The following MACF1 variants were observed in gnomAD, a reference collection of about 807,000 sequenced individuals.
The protein encoded by MACF1 is microtubule actin crosslinking factor 1, also known as microtubule-actin cross-linking factor 1.
A neutral mutation model predicts 854.8 loss-of-function variants in MACF1; 193 were observed. The ratio of observed to expected loss-of-function variants is 0.23; its 90% CI spans 0.20 to 0.25. The LOEUF (loss-of-function observed/expected upper bound fraction) is 0.25, where lower values mean the gene tolerates loss of function less well. Ranked by LOEUF, MACF1 falls within the 10% of genes least tolerant of loss-of-function variation. The pLI is 1.00. For synonymous variants in MACF1, 3,185 were observed against 3,226.7 expected (o/e 0.99, Z 0.44); for missense variants, 7,722 against 8,929.1 (o/e 0.86, Z 5.45).
At chr1:39,299,840 T>A (rs1646004367) in intron 21 of MACF1, among the ~76,000 whole-genome samples, 1 of 152,214 alleles carries the variant, frequency 6.6e-6, no homozygotes, top group African/African-American at 2.4e-5. Flanking sequence ...ATAATATACC[T>A]ATTATTGATT....
intron 15 of MACF1, among the ~76,000 whole-genome samples, chr1:39,291,031 G>A (rs761354068): frequency 2.6e-5 from 4 of 151,592 alleles, no homozygotes; most frequent in Non-Finnish European, 5.9e-5. Context: ...GAGTGCAGTG[G>A]CGTGATCTCC....
intron 58 of MACF1, among the ~76,000 whole-genome samples, chr1:39,417,456 C>T (rs183067420): frequency 4.6e-5 from 7 of 152,242 alleles, no homozygotes; most frequent in Admixed American, 1.3e-4. Context: ...AGTGTTTGAA[C>T]GCTCTGCTGA....
At chr1:39,212,157 A>G (rs1264491726) in intron 1 of MACF1, among the ~76,000 whole-genome samples, 8 of 152,066 alleles carry the variant, frequency 5.3e-5, no homozygotes, top group South Asian at 2.1e-4. Context: ...CAAGATCTGC[A>G]GGTAGCAGCC....
In MACF1 at chr1:39,105,290, A is replaced by C; in HGVS notation, c.220+20852A>C. The C allele has an allele frequency of 1.9e-5, 10 of 533,330 alleles. No individual in the cohort carries two copies. Among genetic ancestry groups the C allele is most frequent in the Non-Finnish European group, 2.4e-5 (10 of 417,884 alleles). The allele number at this position is 533,330 out of a possible 1,614,324, so 33.0% of individuals were successfully genotyped here. ...AGGCGGCGGGGAGAGGGGGCGGGGA[A>C]CGGGCCGGGCCTGGCGCTCCTGACA... is the stretch of plus-strand genomic sequence containing the variant. On this transcript the variant is annotated intron_variant, in intron 2 of 93. Transcript: ENST00000361689. This position sits in a 1 kb window ranked among gnomAD's most constrained non-coding sequence, Gnocchi z 5.9.
intron 46 of MACF1, 73 bp downstream of exon 46, chr1:39,358,946 G>A: frequency 1.3e-6 from 2 of 1,512,380 alleles, no homozygotes; most frequent in Non-Finnish European, 1.8e-6. Flanking sequence ...CCAAAATAAA[G>A]CAAATGCTTA....
chr1:39,311,884 G>T (rs1646307801), intron 26 of MACF1, among the ~76,000 whole-genome samples: 3 of 152,138 alleles, frequency 2.0e-5, no homozygotes, highest in Admixed American at 2.0e-4. Flanking sequence ...GAAAGGAATG[G>T]CTAATGAGGA....
rs775349137 is a variant in MACF1, at chr1:39,285,103, A to C, written c.1152A>C (p.Arg384=). ...KLLEVWIEFG[R]IKLPQGYHPN... is the part of the protein sequence containing the mutation. The stretch of plus-strand genomic sequence containing the variant: ...TTCAGGTGTGGATTGAATTTGGCCG[A>C]ATTAAACTGCCTCAAGGTTATCACC... Residue 384 remains arginine (R), a synonymous_variant, in exon 12 of 101, where the codon CGA becomes CGC. Coordinates refer to ENST00000564288, the MANE Select transcript of MACF1 (RefSeq NM_001394062.1). 5 of 1,614,168 alleles carry C rather than the reference A, an allele frequency of 3.1e-6. No individual in the cohort carries two copies. Among genetic ancestry groups the C allele is most frequent in the Middle Eastern group, 3.3e-4 (2 of 6,060 alleles).
intron 99 of MACF1, among the ~76,000 whole-genome samples, chr1:39,483,840 T>A (rs899860202): frequency 6.6e-6 from 1 of 152,196 alleles, no homozygotes; most frequent in African/African-American, 2.4e-5. Flanking sequence ...TTACTAAAGT[T>A]ACTGCACCTA....
At chr1:39,269,203 C>G (rs1250354069) in intron 6 of MACF1, 1 of 1,289,838 alleles carries the variant, frequency 7.8e-7, no homozygotes, top group East Asian at 5.5e-5. Context: ...TTTCCTAGGA[C>G]AGCATCCTGC....
At chr1:39,405,386 TC>T (rs1642657515) in intron 58 of MACF1, among the ~76,000 whole-genome samples, 6 of 152,360 alleles carry the variant, frequency 3.9e-5, no homozygotes, top group Admixed American at 3.9e-4. Flanking sequence ...GTCCTCTGTA[TC>T]CTCTTCTACT....
chr1:39,170,945 C>CA (rs1168758603), intron 2 of MACF1, among the ~76,000 whole-genome samples: 1 of 152,206 alleles, frequency 6.6e-6, no homozygotes, highest in Non-Finnish European at 1.5e-5. Context: ...CTCTTTCCCT[C>CA]ACGCCATAGC....
Position 39,333,076 on chromosome 1 carries a change from T to C in MACF1, c.6488T>C (p.Leu2163Pro). ...VETPKKEHQP[L>P]RNTSFTCQNE... ...ACACCAAAGAAAGAACATCAACCTC[T>C]AAGAAACACTTCCTTTACATGTCAG... The change falls in exon 37 of 101, where the codon CTA (leucine) becomes CCA (proline). Residue 2163 changes from leucine to proline, a missense_variant. By Grantham distance (98) the Leu-to-Pro change is moderately conservative. Transcript: ENST00000564288. 6.2e-7 allele frequency: 1 copy of C among 1,614,102 alleles called. No individual in the cohort carries two copies. Among genetic ancestry groups the C allele is most frequent in the East Asian group, 2.2e-5 (1 of 44,882 alleles).
At chr1:39,229,806 G>A (rs1470639565) in intron 1 of MACF1, among the ~76,000 whole-genome samples, 2 of 152,016 alleles carry the variant, frequency 1.3e-5, no homozygotes, top group Non-Finnish European at 2.9e-5. Context: ...GTGTAATCAC[G>A]GCTCACTGCA....
intron 89 of MACF1, among the ~76,000 whole-genome samples, chr1:39,455,991 G>A (rs977964361): frequency 8.6e-4 from 131 of 152,140 alleles, no homozygotes; most frequent in African/African-American, 3.0e-3. Flanking sequence ...CTGACTTACA[G>A]TCTCTCAACT....
chr1:39,331,854 C>G lies in MACF1; in HGVS notation c.5266C>G (p.Leu1756Val). 1 of 1,614,094 alleles carries G rather than the reference C, an allele frequency of 6.2e-7. No individual in the cohort carries two copies. Residue 1756 changes from leucine (L) to valine (V), a missense_variant, in exon 37 of 101, where the codon CTA becomes GTA. By Grantham distance (32) the Leu-to-Val change is conservative (BLOSUM62 1). Coordinates refer to ENST00000564288, the MANE Select transcript of MACF1 (RefSeq NM_001394062.1). ...CATTTTCCGTGCAGTTCAGGAAGGG[C>G]TAATAGATAGGCAGGTCACTGTCCG... ...VSIFRAVQEG[L>V]IDRQVTVRLL... is the part of the protein sequence containing the mutation.
chr1:39,350,670 G>A, intron 42 of MACF1, 115 bp from the exon 43 acceptor site: 1 of 659,296 alleles, frequency 1.5e-6, no homozygotes, highest in East Asian at 2.7e-5. Context: ...GCAAATTGTA[G>A]TTAGGGACTA....
chr1:39,307,168 C>T (rs1270166366), intron 23 of MACF1, among the ~76,000 whole-genome samples: 1 of 152,032 alleles, frequency 6.6e-6, no homozygotes, highest in African/African-American at 2.4e-5. Flanking sequence ...AGCCACCATG[C>T]CCGCCTGGAA....
chr1:39,143,548 C>G (rs1270058355), intron 2 of MACF1, among the ~76,000 whole-genome samples: 2 of 152,190 alleles, frequency 1.3e-5, no homozygotes, highest in Non-Finnish European at 2.9e-5. Context: ...AGGAAGTAAA[C>G]TCACTTTCCC....
At chr1:39,425,326 C>T (rs887709802) in intron 61 of MACF1, among the ~76,000 whole-genome samples, 1 of 152,148 alleles carries the variant, frequency 6.6e-6, no homozygotes, top group Non-Finnish European at 1.5e-5. Context: ...ACTAATCACT[C>T]TACCACTAAC....
Sources: gnomAD v4.1 joint callset for allele counts (sites outside exome capture counted in the v4.1 genomes callset) on GRCh38, gnomAD v4.1.1 for gene constraint, Gnocchi (gnomAD v3.1) non-coding constraint, MANE v1.5 for transcripts, NCBI Gene and HGNC (gene_info 2026-07-23, HGNC 2026-07-21) for gene names.